MAPRE2: variants seen among roughly 807,000 people sequenced by gnomAD.
MAPRE2 encodes the protein microtubule associated protein RP/EB family member 2.
MAPRE2 carries 13 observed loss-of-function variants against 43.2 expected under a neutral mutation model. That is an observed-to-expected ratio of 0.30 (90% confidence interval 0.20 to 0.48). MAPRE2 has a LOEUF of 0.48. Ranked by LOEUF, MAPRE2 falls within the 20% of genes least tolerant of loss-of-function variation. The pLI, the probability that MAPRE2 is intolerant of heterozygous loss-of-function variation, is 0.99. For synonymous variants in MAPRE2, 135 were observed against 148.8 expected, an observed-to-expected ratio of 0.91 and a Z score of 0.68; for missense variants, 161 against 400.2, an observed-to-expected ratio of 0.40 and a Z score of 5.10.
At chr18:35,040,199 C>G (rs2097052917), upstream of MAPRE2, among the ~76,000 whole-genome samples, 1 of 152,002 alleles carries the variant, frequency 6.6e-6, no homozygotes, top group Admixed American at 6.6e-5. Context: ...CGAGACTCTG[C>G]CTCTAAAAAA....
intron 5 of MAPRE2, among the ~76,000 whole-genome samples, chr18:35,129,581 G>A (rs535746576): frequency 3.4e-4 from 52 of 152,214 alleles, no homozygotes; most frequent in African/African-American, 1.0e-3. Flanking sequence ...TTAGGGACTC[G>A]TTCTGTATAG....
At chr18:34,981,884 TTTA>T (rs371587805) in intron 1 of MAPRE2, among the ~76,000 whole-genome samples, 22,921 of 74,870 alleles carry the variant, frequency 0.31, 1,811 homozygotes, top group East Asian at 0.5. Context: ...TTTATTTTTA[TTTA>T]TTTTTTTTTT....
At chr18:35,127,308 C>A (rs1938232063) in intron 5 of MAPRE2, 1 of 498,058 alleles carries the variant, frequency 2.0e-6, no homozygotes, top group Non-Finnish European at 3.6e-6. Flanking sequence ...TAAGATGGGG[C>A]AGATGGCTCA....
intron 2 of MAPRE2, among the ~76,000 whole-genome samples, chr18:35,076,383 G>GA (rs1907356257): frequency 6.6e-6 from 1 of 152,216 alleles, no homozygotes; most frequent in South Asian, 2.1e-4. Context: ...GGGAGGTAGG[G>GA]ACATAGGGAG....
intron 1 of MAPRE2, 92 bp downstream of exon 1, chr18:35,041,753 G>A (rs1341496532): frequency 6.3e-7 from 1 of 1,593,780 alleles, no homozygotes; most frequent in Non-Finnish European, 8.5e-7. Context: ...CACTGCCTGC[G>A]ACCCCTGCTG....
chr18:35,103,047 TCA>T (rs1194892252), intron 4 of MAPRE2, among the ~76,000 whole-genome samples: 1 of 152,240 alleles, frequency 6.6e-6, no homozygotes, highest in African/African-American at 2.4e-5. Context: ...AGCTTTGAAA[TCA>T]CAGTTTTGCT....
At chr18:35,092,382 A>G (rs1908193774) in intron 2 of MAPRE2, among the ~76,000 whole-genome samples, 1 of 152,242 alleles carries the variant, frequency 6.6e-6, no homozygotes, top group Non-Finnish European at 1.5e-5. Context: ...CTCTTCATAA[A>G]TGATGCTAAG....
chr18:35,026,398 C>T (rs534086485), intron 2 of MAPRE2, among the ~76,000 whole-genome samples: 5 of 152,146 alleles, frequency 3.3e-5, no homozygotes, highest in Admixed American at 6.5e-5. Flanking sequence ...TCTGTGCATG[C>T]CTCTGACCTG....
intron 1 of MAPRE2, among the ~76,000 whole-genome samples, chr18:34,995,903 A>G (rs1481468839): frequency 6.6e-6 from 1 of 152,188 alleles, no homozygotes; most frequent in Admixed American, 6.5e-5. Context: ...TTAGACCAGC[A>G]GCATCACCTA....
chr18:35,050,223 A>T (rs896216198), intron 1 of MAPRE2, among the ~76,000 whole-genome samples: 3 of 152,100 alleles, frequency 2.0e-5, no homozygotes, highest in Admixed American at 6.6e-5. Flanking sequence ...CTTTAATAGC[A>T]TAGGTTTTTA....
chr18:35,057,654 A>G lies in MAPRE2; in HGVS notation c.123-12541A>G, dbSNP rs73424695. ...AAAAAATTCTTCTTCTGTTCCATAT[A>G]CAATATATACAATGATGGTATCTGG... On this transcript the variant is annotated intron_variant, in intron 1 of 6. Transcript: ENST00000300249. Among the ~76,000 whole-genome samples, 186 of 152,278 alleles carry G rather than the reference A, an allele frequency of 1.2e-3. 1 individual carries two copies. The highest frequency in any genetic ancestry group is 4.2e-3 in the African/African-American group (176 of 41,552).
At chr18:35,081,085 C>A (rs1907608098) in intron 2 of MAPRE2, among the ~76,000 whole-genome samples, 1 of 152,178 alleles carries the variant, frequency 6.6e-6, no homozygotes, top group South Asian at 2.1e-4. Flanking sequence ...CATGGAAGAA[C>A]TTTACAAAAG....
chr18:34,991,133 G>T (rs1274445208), intron 1 of MAPRE2, among the ~76,000 whole-genome samples: 2 of 152,086 alleles, frequency 1.3e-5, no homozygotes, highest in Non-Finnish European at 2.9e-5. Context: ...AATGAGCATA[G>T]TATCCAACAG....
rs760979132 is a variant in MAPRE2 at position 35,140,396 on chromosome 18, C to A, written c.*27C>A. 8 of 1,586,296 alleles carry A rather than the reference C, an allele frequency of 5.0e-6. No individual in the cohort carries two copies. Among genetic ancestry groups the A allele is most frequent in the Middle Eastern group, 3.3e-4 (2 of 6,026 alleles). On this transcript the variant is annotated 3_prime_UTR_variant, in exon 7 of 7. Coordinates refer to ENST00000300249, the MANE Select transcript of MAPRE2 (RefSeq NM_014268.4). ...CCACCCCGGCTGCTCTTGACACTTCCATTGTGTGTGGGAACGTTTCTTCTG... is the reference window on the plus strand; with the variant it reads ...CCACCCCGGCTGCTCTTGACACTTCAATTGTGTGTGGGAACGTTTCTTCTG...
Position 35,143,006 on chromosome 18 carries a change from A to AGAT in MAPRE2, c.*2638_*2640dup, listed in dbSNP as rs1346786432. On this transcript the variant is annotated 3_prime_UTR_variant, in exon 7 of 7. Transcript: ENST00000300249. Reference sequence around the variant, plus strand: ...TTATAGCACTTCCACTGCTACTGTCAGATAGGAAGTGATCGAAGCAGGGGG... The same window carrying AGAT: ...TTATAGCACTTCCACTGCTACTGTCAGATGATAGGAAGTGATCGAAGCAGGGGG... 1.3e-5 allele frequency: 2 copies of AGAT among 150,848 alleles called. No homozygotes were observed. Among genetic ancestry groups the AGAT allele is most frequent in the Non-Finnish European group, 3.0e-5 (2 of 67,722 alleles). 9.3% of individuals were successfully genotyped at this position (150,848 alleles called of 1,614,324 possible). A position where few individuals can be genotyped will look rare whatever the true frequency, so the allele number is the denominator to read the frequency against.
chr18:35,080,372 C>A (rs1394418771), intron 2 of MAPRE2, among the ~76,000 whole-genome samples: 1 of 152,172 alleles, frequency 6.6e-6, no homozygotes. Context: ...CCTTTACTAC[C>A]AAAGTTCTCC....
chr18:34,978,409 C>G, intron 1 of MAPRE2: 1 of 1,008,196 alleles, frequency 9.9e-7, no homozygotes. Context: ...GAGGTTCGGT[C>G]CCAGCTGGGG....
chr18:35,072,761 G>A (rs9947167), intron 2 of MAPRE2, among the ~76,000 whole-genome samples: 4,281 of 152,110 alleles, frequency 0.028, 198 homozygotes, highest in African/African-American at 0.098. Context: ...GCCATCAAGC[G>A]TGGCTTGATT....
chr18:34,977,499 C>T (rs1043985773), intron 1 of MAPRE2, among the ~76,000 whole-genome samples: 1 of 152,226 alleles, frequency 6.6e-6, no homozygotes, highest in Non-Finnish European at 1.5e-5. Context: ...ACCCTCCAGG[C>T]TCTAGCTGGG....
Sources: allele counts gnomAD v4.1 joint callset (sites outside exome capture counted in the v4.1 genomes callset), GRCh38; gene constraint gnomAD v4.1.1; transcripts MANE v1.5; gene names NCBI Gene and HGNC (gene_info 2026-07-23, HGNC 2026-07-21).